DPF3: variants seen among roughly 807,000 people sequenced by gnomAD.
The protein encoded by DPF3 is double PHD fingers 3.
A neutral mutation model predicts 56.8 loss-of-function variants in DPF3; 18 were observed. The observed-to-expected ratio is 0.32, with a 90% CI of 0.22 to 0.47. DPF3 has a LOEUF of 0.47. Ranked by LOEUF, DPF3 falls within the 20% of genes least tolerant of loss-of-function variation. DPF3 has a pLI of 1.00. For synonymous variants in DPF3, 188 were observed against 180.2 expected (o/e 1.04, Z -0.35); for missense variants, 403 against 488.8 (o/e 0.82, Z 1.65).
At chr14:72,731,253 T>G (rs1243899754) in intron 4 of DPF3, among the ~76,000 whole-genome samples, 1 of 151,758 alleles carries the variant, frequency 6.6e-6, no homozygotes, top group African/African-American at 2.4e-5. Flanking sequence ...AGAAGTGGCA[T>G]GGATAGAGGG....
At chr14:72,624,130 A>G (rs141842852) in intron 9 of DPF3, among the ~76,000 whole-genome samples, 3 of 152,218 alleles carry the variant, frequency 2.0e-5, no homozygotes, top group African/African-American at 7.2e-5. Flanking sequence ...ATCACACTAT[A>G]TTTTTATTTA....
intron 1 of DPF3, among the ~76,000 whole-genome samples, chr14:72,823,544 T>A (rs1328729787): frequency 1.3e-5 from 2 of 152,172 alleles, no homozygotes; most frequent in Non-Finnish European, 2.9e-5. Context: ...GCTCGCCCAC[T>A]GTTATATACG....
Position 72,610,633 on chromosome 14 carries a change from G to A in DPF3, c.*8664C>T, listed in dbSNP as rs904919454. 3.9e-5 allele frequency among the ~76,000 whole-genome samples: 6 copies of A among 152,224 alleles called. No homozygotes were observed. Among genetic ancestry groups the A allele is most frequent in the African/African-American group, 1.4e-4 (6 of 41,464 alleles). On this transcript the variant is annotated 3_prime_UTR_variant, in exon 11 of 11. Transcript: ENST00000556509. ...TAGTTCTGGCTTTTGTGAATCGACC[G>A]TGTGACGTAGACAGCACAGCATCAG...
intron 8 of DPF3, among the ~76,000 whole-genome samples, chr14:72,663,093 T>C (rs1373582672): frequency 7.1e-6 from 1 of 140,870 alleles, no homozygotes; most frequent in Non-Finnish European, 1.5e-5. Flanking sequence ...CAGTTGCTAC[T>C]GGGCCAGAGG....
rs1883939614 is a variant in DPF3 at position 72,614,273 on chromosome 14, G to A, written c.*5024C>T. ...GACTCTATGGCAAGCTGGGGTTCAG[G>A]TAGGGAGATTCATAGGCCTGAGGCA... On this transcript the variant is annotated 3_prime_UTR_variant, in exon 11 of 11. Transcript: ENST00000556509. Among the ~76,000 whole-genome samples, 1 of 152,210 alleles carries A rather than the reference G, an allele frequency of 6.6e-6. No individual in the cohort carries two copies. Among genetic ancestry groups the A allele is most frequent in the Admixed American group, 6.5e-5 (1 of 15,284 alleles).
At chr14:72,890,521 T>TAATAATAATAATAATAATAGC (rs1212406549) in intron 1 of DPF3, among the ~76,000 whole-genome samples, 2 of 151,300 alleles carry the variant, frequency 1.3e-5, no homozygotes, top group African/African-American at 4.9e-5. Context: ...ATAATAATAA[T>TAATAATAATAATAATAATAGC]AGCATTATGT....
chr14:72,745,998 A>C (rs1345012112), intron 3 of DPF3, among the ~76,000 whole-genome samples: 1 of 152,210 alleles, frequency 6.6e-6, no homozygotes, highest in Non-Finnish European at 1.5e-5. Context: ...TTGTGCCCTC[A>C]AAGGGACCCC....
rs370376871 is a variant in DPF3 at position 72,822,235 on chromosome 14, G to C, written c.33-50342C>G. On this transcript the variant is annotated intron_variant, in intron 1 of 10. Coordinates refer to ENST00000556509, the MANE Select transcript of DPF3 (RefSeq NM_001280542.3). ...TCTACTAAAAAATACAAAAAAATTA[G>C]CTGGGCGTGGTAGCACATGCCTGTA... Among the ~76,000 whole-genome samples the C allele has an allele frequency of 1.5e-4, 23 of 152,170 alleles. No homozygotes were observed. The East Asian group carries it at 4.4e-3, about 29-fold the overall frequency.
intron 8 of DPF3, among the ~76,000 whole-genome samples, 187 bp from the exon 9 acceptor site, chr14:72,629,923 G>A (rs1305522580): frequency 6.6e-6 from 1 of 152,126 alleles, no homozygotes; most frequent in Non-Finnish European, 1.5e-5. Context: ...CAGATCAAGG[G>A]CAAAACAGAG....
chr14:72,674,519 G>C (rs1886826606), intron 7 of DPF3, among the ~76,000 whole-genome samples, 151 bp from the exon 8 acceptor site: 1 of 152,166 alleles, frequency 6.6e-6, no homozygotes, highest in Non-Finnish European at 1.5e-5. Flanking sequence ...CTTTCTTTTG[G>C]ATCCTTCCGG....
chr14:72,838,080 A>G (rs1430997737), intron 1 of DPF3, among the ~76,000 whole-genome samples: 1 of 152,226 alleles, frequency 6.6e-6, no homozygotes, highest in Non-Finnish European at 1.5e-5. Context: ...GAATGGGGCC[A>G]TCTGACACAG....
intron 1 of DPF3, among the ~76,000 whole-genome samples, chr14:72,818,251 AC>A (rs1883375772): frequency 6.6e-6 from 1 of 152,094 alleles, no homozygotes; most frequent in Non-Finnish European, 1.5e-5. Flanking sequence ...AAAAAAAAAA[AC>A]AAACTTCCAG....
intron 5 of DPF3, among the ~76,000 whole-genome samples, chr14:72,717,811 T>G (rs4903050): frequency 0.29 from 44,564 of 152,078 alleles, 7,114 homozygotes; most frequent in East Asian, 0.46. Context: ...TAGAAAGCTT[T>G]GAAGGTGACC....
chr14:72,874,567 G>A (rs1829759898), intron 1 of DPF3, among the ~76,000 whole-genome samples: 1 of 152,108 alleles, frequency 6.6e-6, no homozygotes, highest in African/African-American at 2.4e-5. Context: ...AATCTCTAGG[G>A]GAGTCTCTAG....
intron 1 of DPF3, chr14:72,892,630 C>A: frequency 8.6e-7 from 1 of 1,157,358 alleles, no homozygotes; most frequent in Middle Eastern, 3.5e-4. Context: ...CCAGGAGTGG[C>A]CAGGGGTGAA....
chr14:72,703,601 C>T (rs753169949), intron 6 of DPF3, among the ~76,000 whole-genome samples: 4 of 152,192 alleles, frequency 2.6e-5, no homozygotes, highest in Non-Finnish European at 4.4e-5. Flanking sequence ...TGCAGGTGAA[C>T]TCGGGAGTCT....
intron 8 of DPF3, among the ~76,000 whole-genome samples, chr14:72,633,976 C>T (rs1885304004): frequency 1.3e-5 from 2 of 152,188 alleles, no homozygotes; most frequent in South Asian, 2.1e-4. Flanking sequence ...GAAACAATCT[C>T]ATGGCTTTCT....
At position 72,859,717 on chromosome 14, in the gene DPF3, A is replaced by G. The variant is rs778038516; in HGVS notation, c.32+34340T>C. 2.1e-4 allele frequency among the ~76,000 whole-genome samples: 32 copies of G among 152,084 alleles called. 1 individual carries two copies. Among genetic ancestry groups the G allele is most frequent in the Admixed American group, 1.0e-3 (16 of 15,272 alleles). ...ATTCCCCCAGCAAATACGGAGCCAG[A>G]TGCTGGGGACTCAGCAGTGAACAAG... On this transcript the variant is annotated intron_variant, in intron 1 of 10. Transcript: ENST00000556509.
At chr14:72,664,096 G>C (rs74785767) in intron 8 of DPF3, among the ~76,000 whole-genome samples, 2,638 of 152,024 alleles carry the variant, frequency 0.017, 76 homozygotes, top group African/African-American at 0.06. Context: ...CCTGCCTCTA[G>C]CTCCTTCCCT....
Sources: allele counts gnomAD v4.1 joint callset (sites outside exome capture counted in the v4.1 genomes callset), GRCh38; gene constraint gnomAD v4.1.1; transcripts MANE v1.5; gene names NCBI Gene and HGNC (gene_info 2026-07-23, HGNC 2026-07-21).